The following ADAMTS17 variants were observed in gnomAD, a reference collection of about 807,000 sequenced individuals.
ADAMTS17 encodes ADAM metallopeptidase with thrombospondin type 1 motif 17.
Under a neutral mutation model 141.5 loss-of-function variants are expected in ADAMTS17, and 113 were observed. That is an observed-to-expected ratio of 0.80 (90% CI 0.69 to 0.93). The LOEUF is 0.93. ADAMTS17 is among the 40% of genes least tolerant of loss of function. ADAMTS17 has a pLI of 0.00. For synonymous variants in ADAMTS17, 768 were observed against 630.6 expected, an observed-to-expected ratio of 1.22 and a Z score of -3.27; for missense variants, 1,659 against 1,517.9, an observed-to-expected ratio of 1.09 and a Z score of -1.54.
intron 10 of ADAMTS17, among the ~76,000 whole-genome samples, chr15:100,147,467 T>C (rs1174329787): frequency 2.0e-5 from 3 of 152,170 alleles, no homozygotes; most frequent in African/African-American, 7.2e-5. Flanking sequence ...CACAAACCTG[T>C]ATAGCGTGGT....
At chr15:100,113,056 C>T (rs919001218) in intron 13 of ADAMTS17, among the ~76,000 whole-genome samples, 2 of 152,120 alleles carry the variant, frequency 1.3e-5, no homozygotes, top group Non-Finnish European at 2.9e-5. Flanking sequence ...CACATGCTGA[C>T]GAGGCTACTC....
intron 8 of ADAMTS17, among the ~76,000 whole-genome samples, chr15:100,183,596 C>T (rs568462939): frequency 2.6e-5 from 4 of 152,124 alleles, no homozygotes; most frequent in South Asian, 2.1e-4. Flanking sequence ...TTATAATCGT[C>T]GTTAGACAAT....
intron 7 of ADAMTS17, among the ~76,000 whole-genome samples, chr15:100,239,251 C>T (rs12593054): frequency 0.01 from 1,584 of 152,334 alleles, 36 homozygotes; most frequent in Admixed American, 0.037. Context: ...CAGCAGCTCC[C>T]GCACACTGTT....
chr15:100,214,266 G>A (rs1421862803), intron 7 of ADAMTS17, among the ~76,000 whole-genome samples: 1 of 152,158 alleles, frequency 6.6e-6, no homozygotes, highest in African/African-American at 2.4e-5. Flanking sequence ...ATCTGGCTTT[G>A]TGAAGAAGGT....
At chr15:100,037,162 G>A (rs78388218) in intron 18 of ADAMTS17, among the ~76,000 whole-genome samples, 7,001 of 152,184 alleles carry the variant, frequency 0.046, 332 homozygotes, top group African/African-American at 0.12. Context: ...GTGTCATTTA[G>A]TATTCCCATC....
At chr15:100,253,578 C>T (rs62036215) in intron 7 of ADAMTS17, among the ~76,000 whole-genome samples, 7 of 133,910 alleles carry the variant, frequency 5.2e-5, no homozygotes, top group African/African-American at 1.4e-4. Context: ...GAGGAGGGGA[C>T]GGTGAAGAAG....
chr15:100,256,154 A>T (rs559144677), intron 6 of ADAMTS17, among the ~76,000 whole-genome samples: 1 of 152,166 alleles, frequency 6.6e-6, no homozygotes, highest in Non-Finnish European at 1.5e-5. Context: ...CTGCCAACTC[A>T]TGACAAACCC....
At chr15:100,031,243 T>C (rs2030133486) in intron 18 of ADAMTS17, among the ~76,000 whole-genome samples, 1 of 152,250 alleles carries the variant, frequency 6.6e-6, no homozygotes, top group East Asian at 1.9e-4. Context: ...TTTTTCTGGC[T>C]AGCTACCGAA....
intron 8 of ADAMTS17, among the ~76,000 whole-genome samples, chr15:100,174,653 G>A (rs138402977): frequency 6.1e-4 from 93 of 152,138 alleles, no homozygotes; most frequent in Middle Eastern, 3.4e-3. Flanking sequence ...CTGCTCAACC[G>A]GCATTCATTT....
rs117834653 is a variant in ADAMTS17, at chr15:100,212,634, C to T, written c.1076-13211G>A. 9.2e-3 allele frequency among the ~76,000 whole-genome samples: 1,404 copies of T among 152,096 alleles called. 7 individuals are homozygous for T. The highest frequency in any genetic ancestry group is 0.015 in the Non-Finnish European group (1,000 of 67,950). On this transcript the variant is annotated intron_variant, in intron 7 of 21. Coordinates refer to ENST00000268070, the MANE Select transcript of ADAMTS17 (RefSeq NM_139057.4). ...ACCCTCTCTGATGAGCCAAGTCAGA[C>T]CAAAAGATCCTGGGAAAATTATCCT...
At chr15:100,179,414 T>C (rs2040448012) in intron 8 of ADAMTS17, among the ~76,000 whole-genome samples, 1 of 152,204 alleles carries the variant, frequency 6.6e-6, no homozygotes, top group Non-Finnish European at 1.5e-5. Flanking sequence ...TCCATTGTGG[T>C]AAGTACCATA....
At chr15:100,077,246 C>T (rs2034437887) in intron 15 of ADAMTS17, among the ~76,000 whole-genome samples, 1 of 135,596 alleles carries the variant, frequency 7.4e-6, no homozygotes, top group East Asian at 2.1e-4. Context: ...GAGTTTGCAA[C>T]CAGCCTGGCC....
intron 15 of ADAMTS17, among the ~76,000 whole-genome samples, chr15:100,075,308 T>C (rs7180614): frequency 0.85 from 128,629 of 152,144 alleles, 56,006 homozygotes; most frequent in South Asian, 0.96. Flanking sequence ...TGCATTTTTC[T>C]GCCAGTTTCT....
At chr15:100,227,934 C>T (rs1267091310) in intron 7 of ADAMTS17, among the ~76,000 whole-genome samples, 2 of 152,226 alleles carry the variant, frequency 1.3e-5, no homozygotes, top group East Asian at 3.8e-4. Flanking sequence ...GGCTTTCATT[C>T]CTGACCTTGC....
At position 100,179,949 on chromosome 15, in the gene ADAMTS17, G is replaced by A. The variant is rs190530990; in HGVS notation, c.1181+19369C>T. On this transcript the variant is annotated intron_variant, in intron 8 of 21. Transcript: ENST00000268070. ...TAATCTCTTGTCAGATGGGTAGTTT[G>A]TAAATATTTTCTCCCATTCTGTGGG... is the stretch of plus-strand genomic sequence containing the variant. Among the ~76,000 whole-genome samples the A allele has an allele frequency of 3.8e-3, 581 of 152,272 alleles. 7 individuals are homozygous for A. The highest frequency in any genetic ancestry group is 0.014 in the African/African-American group (567 of 41,538).
At position 100,096,472 on chromosome 15, in the gene ADAMTS17, A is replaced by G; in HGVS notation, c.2021T>C (p.Ile674Thr). The part of the protein sequence containing the change: ...DLCVHGKCQK[I>T]GCDGIIGSAA... Reference sequence around the variant, plus strand: ...AGACCCGATGATGCCGTCACAGCCGATTTTCTAAAGAACCAGAGGGCCTCA... The same window carrying G: ...AGACCCGATGATGCCGTCACAGCCGGTTTTCTAAAGAACCAGAGGGCCTCA... Residue 674 changes from isoleucine (I) to threonine (T), a missense_variant, in exon 15 of 22, where the codon ATC becomes ACC. By Grantham distance (89) the Ile-to-Thr change is moderately conservative. Coordinates refer to ENST00000268070, the MANE Select transcript of ADAMTS17 (RefSeq NM_139057.4). 6.2e-7 allele frequency: 1 copy of G among 1,614,062 alleles called. No homozygotes were observed. The highest frequency in any genetic ancestry group is 8.5e-7 in the Non-Finnish European group (1 of 1,180,018).
chr15:100,006,730 T>C (rs1485355826), intron 18 of ADAMTS17, among the ~76,000 whole-genome samples: 1 of 152,174 alleles, frequency 6.6e-6, no homozygotes, highest in Admixed American at 6.5e-5. Context: ...TCTGTGCCAA[T>C]CTCTGTGCTA....
chr15:100,155,465 A>C, intron 8 of ADAMTS17, 145 bp from the exon 9 acceptor site: 1 of 1,142,544 alleles, frequency 8.8e-7, no homozygotes, highest in Non-Finnish European at 1.3e-6. Context: ...CAGCAGACCC[A>C]CAGTCATGTG....
intron 18 of ADAMTS17, among the ~76,000 whole-genome samples, chr15:100,044,757 C>T (rs572810494): frequency 6.6e-6 from 1 of 151,938 alleles, no homozygotes; most frequent in African/African-American, 2.4e-5. Context: ...CACTAATCAA[C>T]AGCAGCACTG....
Sources: gnomAD v4.1 joint callset for allele counts (sites outside exome capture counted in the v4.1 genomes callset) on GRCh38, gnomAD v4.1.1 for gene constraint, MANE v1.5 for transcripts, NCBI Gene and HGNC (gene_info 2026-07-23, HGNC 2026-07-21) for gene names.